EMSY: variants seen among roughly 807,000 people sequenced by gnomAD.
EMSY encodes EMSY transcriptional repressor, BRCA2 interacting.
In EMSY, 26 loss-of-function variants were observed where a neutral mutation model predicts 134.6. The ratio of observed to expected loss-of-function variants is 0.19; its 90% CI spans 0.14 to 0.27. EMSY has a LOEUF of 0.27. EMSY is among the 10% of genes least tolerant of loss of function. The pLI, the probability that EMSY is intolerant of heterozygous loss-of-function variation, is 1.00. For synonymous variants in EMSY, 579 were observed against 577.8 expected, an observed-to-expected ratio of 1.00 and a Z score of -0.03; for missense variants, 1,305 against 1,611.4, an observed-to-expected ratio of 0.81 and a Z score of 3.26.
At chr11:76,460,904 TG>T (rs1165871864) in intron 6 of EMSY, 1 of 151,642 alleles carries the variant, frequency 6.6e-6, no homozygotes, top group Admixed American at 6.6e-5. Flanking sequence ...ACAGGAAAAT[TG>T]CTTGAACCCG....
chr11:76,496,606 G>C (rs1307339547), intron 9 of EMSY, 137 bp downstream of exon 10: 1 of 950,482 alleles, frequency 1.1e-6, no homozygotes, highest in Non-Finnish European at 1.6e-6. Flanking sequence ...ACAGCTTTCA[G>C]CATATAGATT....
chr11:76,470,044 G>C (rs1300148331), intron 7 of EMSY, among the ~76,000 whole-genome samples: 2 of 152,018 alleles, frequency 1.3e-5, no homozygotes, highest in Non-Finnish European at 2.9e-5. Context: ...TGTAACACTG[G>C]ATAAGAACTC....
At chr11:76,520,924 A>T (rs1172335937) in intron 11 of EMSY, among the ~76,000 whole-genome samples, 1 of 152,206 alleles carries the variant, frequency 6.6e-6, no homozygotes, top group African/African-American at 2.4e-5. Flanking sequence ...TAGTCATTTG[A>T]TAAATGATAT....
chr11:76,513,607 T>C, intron 10 of EMSY, 72 bp downstream of exon 11: 1 of 1,509,440 alleles, frequency 6.6e-7, no homozygotes, highest in Non-Finnish European at 9.1e-7. Flanking sequence ...ACCAGCAATA[T>C]GCTTGACACT....
At chr11:76,513,562 T>A (rs769732538) in intron 10 of EMSY, 27 bp downstream of exon 11, 1 of 1,608,782 alleles carries the variant, frequency 6.2e-7, no homozygotes, top group South Asian at 1.1e-5. Flanking sequence ...ATCAGTTCAT[T>A]TATTCATCAT....
chr11:76,506,762 G>A (rs1950094706), intron 9 of EMSY, among the ~76,000 whole-genome samples: 1 of 152,164 alleles, frequency 6.6e-6, no homozygotes, highest in African/African-American at 2.4e-5. Context: ...TACATTACTG[G>A]TAGGAAAATA....
chr11:76,460,261 T>A (rs1024954340), intron 6 of EMSY, 176 bp downstream of exon 7: 357 of 702,630 alleles, frequency 5.1e-4, no homozygotes, highest in Middle Eastern at 1.2e-3. Context: ...ATTGCTTTTT[T>A]AATCAGTTCT....
intron 8 of EMSY, among the ~76,000 whole-genome samples, chr11:76,487,123 A>G (rs539157995): frequency 2.6e-5 from 4 of 152,290 alleles, no homozygotes; most frequent in Non-Finnish European, 5.9e-5. Flanking sequence ...TAAACAAAAT[A>G]CAAAAAATTA....
intron 11 of EMSY, among the ~76,000 whole-genome samples, chr11:76,519,858 C>A (rs983736162): frequency 2.0e-5 from 3 of 151,998 alleles, no homozygotes; most frequent in Non-Finnish European, 4.4e-5. Flanking sequence ...CATTATATCT[C>A]GATTGTTTTA....
At chr11:76,535,425 C>A (rs1237125996) in intron 14 of EMSY, among the ~76,000 whole-genome samples, 1 of 152,152 alleles carries the variant, frequency 6.6e-6, no homozygotes, top group Non-Finnish European at 1.5e-5. Flanking sequence ...GGCTGTAATA[C>A]AACACATATT....
chr11:76,546,616 CA>C (rs1302917513), intron 20 of EMSY, among the ~76,000 whole-genome samples: 2 of 152,162 alleles, frequency 1.3e-5, no homozygotes, highest in African/African-American at 4.8e-5. Context: ...TAAGTCAACC[CA>C]GAAGATAGGA....
chr11:76,537,756 G>T, intron 15 of EMSY, 39 bp from the exon 17 acceptor site: 2 of 1,540,248 alleles, frequency 1.3e-6, no homozygotes, highest in Non-Finnish European at 1.8e-6. Flanking sequence ...GTACTTGTTT[G>T]TAATAAAAGT....
chr11:76,540,914 C>T (rs1354928580), intron 17 of EMSY, among the ~76,000 whole-genome samples: 1 of 152,150 alleles, frequency 6.6e-6, no homozygotes, highest in South Asian at 2.1e-4. Flanking sequence ...TTTTAAAGCT[C>T]TGTGGACTGT....
At chr11:76,478,687 T>C (rs543730865) in intron 8 of EMSY, among the ~76,000 whole-genome samples, 2 of 152,062 alleles carry the variant, frequency 1.3e-5, no homozygotes, top group Admixed American at 6.5e-5. Flanking sequence ...TCATATTCTA[T>C]TTGGTAGCAT....
intron 10 of EMSY, 150 bp downstream of exon 11, chr11:76,513,685 T>C (rs1950353630): frequency 1.4e-6 from 1 of 711,016 alleles, no homozygotes; most frequent in Non-Finnish European, 2.2e-6. Flanking sequence ...CCCTACTGAC[T>C]GCCCTGACGT....
chr11:76,464,991 C>CT (rs901583787), intron 7 of EMSY, among the ~76,000 whole-genome samples: 1 of 152,174 alleles, frequency 6.6e-6, no homozygotes, highest in African/African-American at 2.4e-5. Flanking sequence ...CTGTTTTTCT[C>CT]TTTACAAACT....
At chr11:76,535,485 A>G (rs1013653640) in intron 14 of EMSY, among the ~76,000 whole-genome samples, 2 of 152,180 alleles carry the variant, frequency 1.3e-5, no homozygotes, top group Non-Finnish European at 1.5e-5. Context: ...TGTTCTTACT[A>G]TACACAAACA....
At chr11:76,531,524 T>A (rs988700491) in intron 14 of EMSY, among the ~76,000 whole-genome samples, 5 of 152,150 alleles carry the variant, frequency 3.3e-5, no homozygotes, top group Admixed American at 6.5e-5. Context: ...AGATAGGATA[T>A]TATATCCTCA....
chr11:76,483,949 C>T (rs11532107), intron 8 of EMSY, among the ~76,000 whole-genome samples: 20,409 of 152,198 alleles, frequency 0.13, 1,757 homozygotes, highest in East Asian at 0.28. Flanking sequence ...AATATACATT[C>T]TTCTCAGCAC....
Sources: gnomAD v4.1 joint callset for allele counts (sites outside exome capture counted in the v4.1 genomes callset) on GRCh38, gnomAD v4.1.1 for gene constraint, MANE v1.5 for transcripts, NCBI Gene and HGNC (gene_info 2026-07-23, HGNC 2026-07-21) for gene names.